Variants in KCNQ1 observed in about 807,000 individuals in gnomAD.
The protein encoded by KCNQ1 is potassium voltage-gated channel subfamily KQT member 1.
KCNQ1 carries 49 observed loss-of-function variants against 72.4 expected under a neutral mutation model. The ratio of observed to expected loss-of-function variants is 0.68; its 90% CI spans 0.54 to 0.86. The LOEUF (loss-of-function observed/expected upper bound fraction) is 0.86. Ranked by LOEUF, KCNQ1 falls within the 40% of genes least tolerant of loss-of-function variation. The probability of loss-of-function intolerance (pLI) is 0.00; values close to 1 mark genes in which losing one functional copy is unlikely to be tolerated. For synonymous variants in KCNQ1, 450 were observed against 412.6 expected (o/e 1.09, Z -1.10); for missense variants, 790 against 945.1 (o/e 0.84, Z 2.15).
intron 10 of KCNQ1, chr11:2,644,150 G>A: frequency 5.0e-6 from 2 of 398,570 alleles, no homozygotes; most frequent in Non-Finnish European, 8.8e-6. Context: ...GGGAGATTGG[G>A]AAGTGTTCAG....
chr11:2,694,504 GC>G (rs1256705823), intron 11 of KCNQ1: 19 of 398,504 alleles, frequency 4.8e-5, no homozygotes, highest in Non-Finnish European at 4.4e-6. Context: ...AGTGTGGCTG[GC>G]TAAGAAACCC....
intron 1 of KCNQ1, among the ~76,000 whole-genome samples, chr11:2,485,841 T>G (rs1846732380): frequency 6.6e-6 from 1 of 152,246 alleles, no homozygotes; most frequent in South Asian, 2.1e-4. Flanking sequence ...GTCCTGAAAG[T>G]TCACTCATGC....
chr11:2,468,452 T>C lies in KCNQ1; in HGVS notation c.386+22968T>C, dbSNP rs1184196808. The stretch of plus-strand genomic sequence containing the variant: ...ATGCACTTTTTTTTTCTAAGTAGCT[T>C]TACGGAGGCGTGCTTGGCATACGGT... On this transcript the variant is annotated intron_variant, in intron 1 of 15. Transcript: ENST00000155840. This position sits in a 1 kb window ranked among gnomAD's most constrained non-coding sequence, Gnocchi z 5.7. Among the ~76,000 whole-genome samples, 2 of 152,138 alleles carry C rather than the reference T, an allele frequency of 1.3e-5. No individual in the cohort carries two copies. Among genetic ancestry groups the C allele is most frequent in the Non-Finnish European group, 2.9e-5 (2 of 68,012 alleles).
Position 2,768,780 on chromosome 11 carries a change from G to A in KCNQ1, c.1515-64G>A. The A allele has an allele frequency of 8.1e-7, 1 of 1,236,096 alleles. No individual in the cohort carries two copies. The highest frequency in any genetic ancestry group is 1.2e-6 in the Non-Finnish European group (1 of 835,118). 76.6% of individuals were successfully genotyped at this position (1,236,096 alleles called of 1,614,324 possible). A position where few individuals can be genotyped will look rare whatever the true frequency, so the allele number is the denominator to read the frequency against. ...CTGCGTGCTCCTCAGGCAGTGCAGG[G>A]GCAGTGAGGGGATGACCAGCACAGG... On this transcript the variant is annotated intron_variant, in intron 11 of 15. Coordinates refer to ENST00000155840, the MANE Select transcript of KCNQ1 (RefSeq NM_000218.3). This position sits in a 1 kb window ranked among gnomAD's most constrained non-coding sequence, Gnocchi z 6.7.
chr11:2,604,286 T>C (rs1408741764), intron 10 of KCNQ1, among the ~76,000 whole-genome samples: 1 of 151,460 alleles, frequency 6.6e-6, no homozygotes, highest in Non-Finnish European at 1.5e-5. Flanking sequence ...GAGACCAGCC[T>C]GGCCAACATG....
chr11:2,662,631 G>A (rs1045512044), intron 11 of KCNQ1: 12 of 409,394 alleles, frequency 2.9e-5, no homozygotes, highest in Admixed American at 8.0e-5. Context: ...AATCCCCGGT[G>A]CCCGGCCACG....
chr11:2,572,728 C>G, intron 5 of KCNQ1, 118 bp from the exon 6 acceptor site: 4 of 1,343,762 alleles, frequency 3.0e-6, no homozygotes, highest in Non-Finnish European at 4.2e-6. Context: ...GCATGTGAAC[C>G]GCGCTGGAGC....
rs1397472935 is a variant in KCNQ1 at position 2,482,142 on chromosome 11, C to T, written c.386+36658C>T. Among the ~76,000 whole-genome samples the T allele has an allele frequency of 6.6e-6, 1 of 152,158 alleles. No individual in the cohort carries two copies. The highest frequency in any genetic ancestry group is 1.5e-5 in the Non-Finnish European group (1 of 68,042). ...TGAACTCATTGTCCAGCACCCTTAG[C>T]TTCTTGCCAGCTCAGGAAGTGCTGA... On this transcript the variant is annotated intron_variant, in intron 1 of 15. Coordinates refer to ENST00000155840, the MANE Select transcript of KCNQ1 (RefSeq NM_000218.3). This position sits in a 1 kb window ranked among gnomAD's most constrained non-coding sequence, Gnocchi z 5.7.
At chr11:2,796,627 C>G (rs1020904514) in intron 15 of KCNQ1, among the ~76,000 whole-genome samples, 1 of 152,216 alleles carries the variant, frequency 6.6e-6, no homozygotes, top group African/African-American at 2.4e-5. Context: ...CCACTCAGCC[C>G]CTCGGGGCCG....
chr11:2,697,493 T>C (rs906439022), intron 11 of KCNQ1: 13 of 398,508 alleles, frequency 3.3e-5, no homozygotes, highest in Non-Finnish European at 4.9e-5. Flanking sequence ...AAGTTAAGTT[T>C]TGGTTTATAA....
chr11:2,709,345 G>A (rs991536370), intron 11 of KCNQ1, among the ~76,000 whole-genome samples: 3 of 150,674 alleles, frequency 2.0e-5, no homozygotes, highest in Admixed American at 6.6e-5. Context: ...AGGCTCAGAC[G>A]CCAGGACCTG....
intron 15 of KCNQ1, among the ~76,000 whole-genome samples, chr11:2,788,768 G>T (rs1292729374): frequency 1.3e-5 from 2 of 152,194 alleles, no homozygotes; most frequent in African/African-American, 2.4e-5. Context: ...GTCCGGAGGG[G>T]CTGCCCTTCA....
At chr11:2,840,044 T>G (rs1848171437) in intron 15 of KCNQ1, 1 of 152,186 alleles carries the variant, frequency 6.6e-6, no homozygotes, top group Non-Finnish European at 1.5e-5. Context: ...AACTGCCCAG[T>G]CAAAAACCCA....
intron 11 of KCNQ1, among the ~76,000 whole-genome samples, chr11:2,730,205 G>A (rs112591832): frequency 0.012 from 1,756 of 152,362 alleles, 20 homozygotes; most frequent in Non-Finnish European, 0.018. Context: ...TCCAGGCGGA[G>A]GATGGCAGCT....
Position 2,785,207 on chromosome 11 carries a change from T to C in KCNQ1, c.1794+7170T>C, listed in dbSNP as rs569947814. ...GAGAGCTCTCATTATGAATGGATATTGGATTTTGTCAAATGCTCTTTCTGT... is the reference window on the plus strand; with the variant it reads ...GAGAGCTCTCATTATGAATGGATATCGGATTTTGTCAAATGCTCTTTCTGT... On this transcript the variant is annotated intron_variant, in intron 15 of 15. Transcript: ENST00000155840. This position sits in a 1 kb window ranked among gnomAD's most constrained non-coding sequence, Gnocchi z 4.4. Among the ~76,000 whole-genome samples, 84 of 152,138 alleles carry C rather than the reference T, an allele frequency of 5.5e-4. 1 individual carries two copies. Among genetic ancestry groups the C allele is most frequent in the African/African-American group, 1.9e-3 (80 of 41,572 alleles).
At position 2,515,801 on chromosome 11, in the gene KCNQ1, C is replaced by T. The variant is rs1023076106; in HGVS notation, c.387-12127C>T. ...GGCCGGCCCTGGGAGCACAGAGCCC[C>T]GTTCCCAGCAGCCCTCGGCCCTGGG... On this transcript the variant is annotated intron_variant, in intron 1 of 15. Transcript: ENST00000155840. The surrounding 1 kb of genome is among the most constrained non-coding windows in gnomAD (Gnocchi z 4.7). Among the ~76,000 whole-genome samples the T allele has an allele frequency of 2.6e-5, 4 of 152,118 alleles. No individual in the cohort carries two copies. The highest frequency in any genetic ancestry group is 4.8e-5 in the African/African-American group (2 of 41,424).
rs1248873134 is a variant in KCNQ1, at chr11:2,479,780, G to C, written c.386+34296G>C. ...TGCTTGACTTTCTCCTCAGAAAATGGGTTTTTATTTTCTATCACATTTTCA... is the reference window on the plus strand; with the variant it reads ...TGCTTGACTTTCTCCTCAGAAAATGCGTTTTTATTTTCTATCACATTTTCA... On this transcript the variant is annotated intron_variant, in intron 1 of 15. Transcript: ENST00000155840. This position sits in a 1 kb window ranked among gnomAD's most constrained non-coding sequence, Gnocchi z 4.6. 6.6e-6 allele frequency among the ~76,000 whole-genome samples: 1 copy of C among 152,090 alleles called. No individual in the cohort carries two copies. The highest frequency in any genetic ancestry group is 2.4e-5 in the African/African-American group (1 of 41,410).
At position 2,463,804 on chromosome 11, in the gene KCNQ1, C is replaced by T. The variant is rs1177481285; in HGVS notation, c.386+18320C>T. Among the ~76,000 whole-genome samples the T allele has an allele frequency of 3.3e-5, 5 of 152,340 alleles. No individual in the cohort carries two copies. Among genetic ancestry groups the T allele is most frequent in the South Asian group, 2.1e-4 (1 of 4,834 alleles). ...CCTGCGAGGGGGTCAGCCCTGAAGC[C>T]GGATGGCCCGGCCCCCGCTACCACG... On this transcript the variant is annotated intron_variant, in intron 1 of 15. Coordinates refer to ENST00000155840, the MANE Select transcript of KCNQ1 (RefSeq NM_000218.3). The surrounding 1 kb of genome is among the most constrained non-coding windows in gnomAD (Gnocchi z 7.0).
chr11:2,820,284 G>C (rs762893802), intron 15 of KCNQ1, among the ~76,000 whole-genome samples: 1 of 152,150 alleles, frequency 6.6e-6, no homozygotes, highest in Non-Finnish European at 1.5e-5. Flanking sequence ...TCCATCCTAA[G>C]ATTTTCTCTC....
Sources: allele counts gnomAD v4.1 joint callset (sites outside exome capture counted in the v4.1 genomes callset), GRCh38; gene constraint gnomAD v4.1.1; non-coding constraint Gnocchi (gnomAD v3.1); transcripts MANE v1.5; gene names NCBI Gene and HGNC (gene_info 2026-07-23, HGNC 2026-07-21).